LCLAT1: variants seen among roughly 807,000 people sequenced by gnomAD.
LCLAT1 encodes 1-AGP acyltransferase 8.
In LCLAT1, 11 loss-of-function variants were observed where a neutral mutation model predicts 30.7. The ratio of observed to expected loss-of-function variants is 0.36; its 90% CI spans 0.23 to 0.59. LCLAT1 has a LOEUF of 0.59. Among genes scored for constraint, LCLAT1 ranks in the 20% least tolerant of loss-of-function variants. LCLAT1 has a pLI of 0.77. For missense variants in LCLAT1, 402 were observed against 458.6 expected, an observed-to-expected ratio of 0.88 and a Z score of 1.13; for synonymous variants, 155 against 151.3, an observed-to-expected ratio of 1.02 and a Z score of -0.18.
At chr2:30,581,186 C>CCT (rs1195983231) in intron 5 of LCLAT1, among the ~76,000 whole-genome samples, 2 of 152,174 alleles carry the variant, frequency 1.3e-5, no homozygotes, top group Non-Finnish European at 2.9e-5. Flanking sequence ...TGGGCTCTTG[C>CCT]CTCTACTTAA....
At chr2:30,599,804 T>A (rs544487613) in intron 5 of LCLAT1, among the ~76,000 whole-genome samples, 2 of 152,326 alleles carry the variant, frequency 1.3e-5, no homozygotes, top group African/African-American at 4.8e-5. Context: ...CTTGGTAAAT[T>A]TTCCTCCATC....
intron 5 of LCLAT1, among the ~76,000 whole-genome samples, chr2:30,596,568 A>G (rs984460032): frequency 6.6e-6 from 1 of 151,712 alleles, no homozygotes; most frequent in African/African-American, 2.4e-5. Flanking sequence ...ATAGATTGCA[A>G]AAATTTTCTC....
At chr2:30,629,350 C>T (rs915614746) in intron 5 of LCLAT1, among the ~76,000 whole-genome samples, 3 of 151,882 alleles carry the variant, frequency 2.0e-5, no homozygotes, top group Non-Finnish European at 2.9e-5. Context: ...ACCTGAGGTC[C>T]GGAGTTCGAG....
At chr2:30,531,539 C>T (rs979783991) in intron 2 of LCLAT1, among the ~76,000 whole-genome samples, 1 of 152,106 alleles carries the variant, frequency 6.6e-6, no homozygotes, top group African/African-American at 2.4e-5. Flanking sequence ...TGGAGGCCAT[C>T]GTTCTAGGAC....
At chr2:30,611,651 G>A (rs1667744102) in intron 5 of LCLAT1, among the ~76,000 whole-genome samples, 1 of 152,122 alleles carries the variant, frequency 6.6e-6, no homozygotes, top group Non-Finnish European at 1.5e-5. Flanking sequence ...AGTCAGGACT[G>A]GAAGCTGAGG....
intron 5 of LCLAT1, among the ~76,000 whole-genome samples, chr2:30,623,380 A>G (rs953515775): frequency 6.6e-6 from 1 of 152,152 alleles, no homozygotes; most frequent in African/African-American, 2.4e-5. Flanking sequence ...ATGTTACAGG[A>G]TATGGACAGA....
At chr2:30,552,240 A>T (rs184079670) in intron 3 of LCLAT1, among the ~76,000 whole-genome samples, 1 of 152,188 alleles carries the variant, frequency 6.6e-6, no homozygotes, top group Non-Finnish European at 1.5e-5. Flanking sequence ...GGTCTCTCTC[A>T]TGTTAACATG....
rs535253218 is a variant in LCLAT1 at position 30,510,539 on chromosome 2, A to C, written c.-4-15048A>C. Among the ~76,000 whole-genome samples the C allele has an allele frequency of 2.0e-5, 3 of 152,288 alleles. No individual in the cohort carries two copies. In the East Asian group the frequency reaches 5.8e-4, roughly 29 times the overall value. On this transcript the variant is annotated intron_variant, in intron 1 of 5. Transcript: ENST00000379509. ...TTGTCTCCACTCTTCTGTAAGTTAC[A>C]GTGGTATTCCTTGGTGAACATCTGT...
chr2:30,514,044 G>A (rs1232062247), intron 1 of LCLAT1, among the ~76,000 whole-genome samples: 2 of 152,080 alleles, frequency 1.3e-5, no homozygotes, highest in Non-Finnish European at 2.9e-5. Flanking sequence ...AAATTTTGGG[G>A]GCTCACAACT....
chr2:30,473,103 TTGTC>T (rs1174590584), intron 1 of LCLAT1, among the ~76,000 whole-genome samples: 1 of 152,196 alleles, frequency 6.6e-6, no homozygotes, highest in Admixed American at 6.5e-5. Flanking sequence ...GGAAAATAGT[TTGTC>T]TGGAGTGAAT....
intron 5 of LCLAT1, among the ~76,000 whole-genome samples, chr2:30,594,309 A>T (rs187903530): frequency 1.2e-4 from 19 of 152,076 alleles, no homozygotes; most frequent in Non-Finnish European, 2.2e-4. Context: ...TAATGGGAAA[A>T]TTTTCAAACG....
At chr2:30,548,200 G>A (rs1348710273) in intron 3 of LCLAT1, among the ~76,000 whole-genome samples, 4 of 152,178 alleles carry the variant, frequency 2.6e-5, no homozygotes, top group Admixed American at 6.5e-5. Flanking sequence ...GGGGATATAC[G>A]TTTGTTGACG....
At chr2:30,541,818 C>G (rs919233360) in intron 3 of LCLAT1, among the ~76,000 whole-genome samples, 3 of 135,762 alleles carry the variant, frequency 2.2e-5, no homozygotes, top group Admixed American at 7.9e-5. Flanking sequence ...AATTTTTCCC[C>G]TTTTACATTT....
intron 1 of LCLAT1, among the ~76,000 whole-genome samples, chr2:30,465,901 T>G (rs1682395957): frequency 6.6e-6 from 1 of 152,200 alleles, no homozygotes; most frequent in Non-Finnish European, 1.5e-5. Flanking sequence ...TGCATTTTGT[T>G]AAAACTTTCC....
chr2:30,639,699 C>T (rs1206359923), intron 5 of LCLAT1, among the ~76,000 whole-genome samples: 1 of 152,132 alleles, frequency 6.6e-6, no homozygotes, highest in Non-Finnish European at 1.5e-5. Flanking sequence ...ATCGTGGTAA[C>T]ATTGGGTTAA....
chr2:30,576,680 G>C (rs193055950), intron 5 of LCLAT1, among the ~76,000 whole-genome samples: 43 of 151,966 alleles, frequency 2.8e-4, no homozygotes, highest in Middle Eastern at 3.4e-3. Flanking sequence ...GAATGTATAT[G>C]CTTCTTTTTT....
chr2:30,465,031 A>T (rs1682352548), intron 1 of LCLAT1, among the ~76,000 whole-genome samples: 1 of 152,110 alleles, frequency 6.6e-6, no homozygotes, highest in Non-Finnish European at 1.5e-5. Flanking sequence ...GTTTTTAAAG[A>T]GATCCTCTGT....
chr2:30,585,372 C>T (rs1302596062), intron 5 of LCLAT1, among the ~76,000 whole-genome samples: 2 of 152,196 alleles, frequency 1.3e-5, no homozygotes, highest in African/African-American at 4.8e-5. Context: ...ACTACATCCT[C>T]TGCCTCAGCC....
intron 5 of LCLAT1, among the ~76,000 whole-genome samples, chr2:30,577,913 C>T (rs1666063826): frequency 6.6e-6 from 1 of 152,052 alleles, no homozygotes; most frequent in Non-Finnish European, 1.5e-5. Context: ...GTTAAGTAAA[C>T]ATCTGTCTGT....
Sources: allele counts gnomAD v4.1 joint callset (sites outside exome capture counted in the v4.1 genomes callset), GRCh38; gene constraint gnomAD v4.1.1; transcripts MANE v1.5; gene names NCBI Gene and HGNC (gene_info 2026-07-23, HGNC 2026-07-21).